The following CCDC63 variants were observed in gnomAD, a reference collection of about 807,000 sequenced individuals.
CCDC63 encodes coiled-coil domain containing 63, also known as coiled-coil domain-containing protein 63.
A neutral mutation model predicts 63.6 loss-of-function variants in CCDC63; 54 were observed. That is an observed-to-expected ratio of 0.85 (90% CI 0.68 to 1.07). CCDC63 has a LOEUF of 1.07. CCDC63 is among the 50% of genes least tolerant of loss of function. The probability of loss-of-function intolerance (pLI) is 0.00; values close to 1 mark genes in which losing one functional copy is unlikely to be tolerated. For synonymous variants in CCDC63, 253 were observed against 266.1 expected (o/e 0.95, Z 0.48); for missense variants, 637 against 689.6 (o/e 0.92, Z 0.86).
At position 110,880,006 on chromosome 12, in the gene CCDC63, A is replaced by G. The variant is rs114129785; in HGVS notation, c.590A>G (p.Gln197Arg). 2.8e-4 allele frequency: 448 copies of G among 1,614,196 alleles called. 4 individuals are homozygous for G. In the East Asian group the frequency reaches 9.7e-3, roughly 35 times the overall value. ...AAGGCTGCTTATGACAATGTCTACC[A>G]GCAGCTCCAGCACTGCCTGTTGATG... is the stretch of plus-strand genomic sequence containing the variant. ...FEKAAYDNVY[Q>R]QLQHCLLMEK... Residue 197 changes from glutamine to arginine, a missense_variant, in exon 6 of 12, where the codon CAG becomes CGG. By Grantham distance (43) the Gln-to-Arg change is conservative (BLOSUM62 1). Transcript: ENST00000308208.
chr12:110,885,432 A>C (rs533771158), intron 8 of CCDC63, among the ~76,000 whole-genome samples: 2 of 152,300 alleles, frequency 1.3e-5, no homozygotes, highest in South Asian at 4.1e-4. Context: ...TACATAAATA[A>C]ACATCCTTTG....
At chr12:110,876,138 C>G (rs1238213872) in intron 5 of CCDC63, among the ~76,000 whole-genome samples, 1 of 150,634 alleles carries the variant, frequency 6.6e-6, no homozygotes, top group Non-Finnish European at 1.5e-5. Flanking sequence ...AGGCAGCCAT[C>G]TCTAAAGGCA....
chr12:110,847,372 C>G (rs1429405606), intron 1 of CCDC63, among the ~76,000 whole-genome samples: 2 of 151,904 alleles, frequency 1.3e-5, no homozygotes, highest in Non-Finnish European at 2.9e-5. Flanking sequence ...GAGACCAGCT[C>G]GGGCAAATTC....
At position 110,899,058 on chromosome 12, in the gene CCDC63, C is replaced by T; in HGVS notation, c.1275C>T (p.Ala425=). 2 of 1,613,896 alleles carry T rather than the reference C, an allele frequency of 1.2e-6. No homozygotes were observed. The highest frequency in any genetic ancestry group is 1.1e-5 in the South Asian group (1 of 90,988). The change falls in exon 10 of 12, where the codon GCC becomes GCT. Residue 425 remains alanine (A), a synonymous_variant. Coordinates refer to ENST00000308208, the MANE Select transcript of CCDC63 (RefSeq NM_152591.3). ...TGTTCAAGAAGATAAACTGTGACGCCACCAAGATCCTGGTGCAGTTAGGGG... is the reference window on the plus strand; with the variant it reads ...TGTTCAAGAAGATAAACTGTGACGCTACCAAGATCCTGGTGCAGTTAGGGG... ...EKLFKKINCD[A]TKILVQLGET...
intron 8 of CCDC63, among the ~76,000 whole-genome samples, chr12:110,887,900 C>T (rs1210710273): frequency 6.6e-6 from 1 of 152,058 alleles, no homozygotes; most frequent in Non-Finnish European, 1.5e-5. Flanking sequence ...CGGCCCCAGC[C>T]TTCTTTTTTA....
At chr12:110,881,000 T>C (rs2071199768) in intron 6 of CCDC63, 115 bp from the exon 7 acceptor site, 1 of 917,056 alleles carries the variant, frequency 1.1e-6, no homozygotes, top group East Asian at 2.9e-5. Context: ...GAAACCTTTA[T>C]GATAAATAAA....
At chr12:110,852,380 C>T (rs1430852662) in intron 1 of CCDC63, among the ~76,000 whole-genome samples, 1 of 152,152 alleles carries the variant, frequency 6.6e-6, no homozygotes, top group East Asian at 1.9e-4. Flanking sequence ...CTGCCTCAGC[C>T]TCCTGAGTAA....
intron 6 of CCDC63, 53 bp downstream of exon 6, chr12:110,880,140 C>G: frequency 2.0e-6 from 3 of 1,512,664 alleles, no homozygotes; most frequent in Non-Finnish European, 2.7e-6. Flanking sequence ...CCTTGCTGAG[C>G]ATCTAGCTTC....
chr12:110,861,407 C>A (rs1350274757), intron 4 of CCDC63, among the ~76,000 whole-genome samples: 1 of 152,230 alleles, frequency 6.6e-6, no homozygotes, highest in East Asian at 1.9e-4. Flanking sequence ...TCCCCTGCCC[C>A]CACCTGCTCT....
chr12:110,852,891 G>T lies in CCDC63; in HGVS notation c.-64G>T. 6.2e-7 allele frequency: 1 copy of T among 1,613,684 alleles called. No individual in the cohort carries two copies. The highest frequency in any genetic ancestry group is 1.7e-4 in the Middle Eastern group (1 of 6,052). ...CAGAGAGACAGAGAGAGAGAGGAAG[G>T]CTCACTGGCTTTGAGCTCTCTGGGT... is the stretch of plus-strand genomic sequence containing the variant. On this transcript the variant is annotated 5_prime_UTR_variant, in exon 2 of 12. Coordinates refer to ENST00000308208, the MANE Select transcript of CCDC63 (RefSeq NM_152591.3).
intron 4 of CCDC63, among the ~76,000 whole-genome samples, chr12:110,862,287 G>A (rs1441087206): frequency 6.6e-6 from 1 of 152,170 alleles, no homozygotes; most frequent in Admixed American, 6.5e-5. Flanking sequence ...TTCATTCCAG[G>A]GTGGCAGTTA....
chr12:110,907,509 C>T lies in CCDC63; in HGVS notation c.*33C>T. On this transcript the variant is annotated 3_prime_UTR_variant, in exon 12 of 12. Coordinates refer to ENST00000308208, the MANE Select transcript of CCDC63 (RefSeq NM_152591.3). This position sits in a 1 kb window ranked among gnomAD's most constrained non-coding sequence, Gnocchi z 4.4. ...GCATGGGGCCACCTTTGCAACATAA[C>T]CGAAAGAATAAATGTTTTGTTCTGT... is the stretch of plus-strand genomic sequence containing the variant. 6.2e-7 allele frequency: 1 copy of T among 1,613,062 alleles called. No homozygotes were observed. The highest frequency in any genetic ancestry group is 8.5e-7 in the Non-Finnish European group (1 of 1,179,304).
At chr12:110,890,371 A>G (rs1592779726) in intron 8 of CCDC63, among the ~76,000 whole-genome samples, 2 of 152,264 alleles carry the variant, frequency 1.3e-5, no homozygotes, top group East Asian at 3.9e-4. Flanking sequence ...AAAAAGCAAG[A>G]TAGAGCTCTT....
intron 1 of CCDC63, among the ~76,000 whole-genome samples, chr12:110,850,550 T>C (rs1361228585): frequency 6.6e-6 from 1 of 152,214 alleles, no homozygotes. Flanking sequence ...GAGACCAGCC[T>C]GACCAAAATG....
intron 7 of CCDC63, 125 bp from the exon 8 acceptor site, chr12:110,883,905 G>A (rs2071242036): frequency 1.3e-6 from 1 of 769,004 alleles, no homozygotes; most frequent in Non-Finnish European, 2.2e-6. Flanking sequence ...TTCCCAAAGT[G>A]TTGGGATTAC....
At chr12:110,891,070 T>C (rs2071350987) in intron 8 of CCDC63, among the ~76,000 whole-genome samples, 1 of 152,092 alleles carries the variant, frequency 6.6e-6, no homozygotes, top group Non-Finnish European at 1.5e-5. Flanking sequence ...TGAGCCACCA[T>C]GCCCAGCCTG....
rs963369480 is a variant in CCDC63, at chr12:110,858,968, C to A, written c.369+193C>A. Among the ~76,000 whole-genome samples, 3 of 152,174 alleles carry A rather than the reference C, an allele frequency of 2.0e-5. No individual in the cohort carries two copies. In the East Asian group the frequency reaches 5.8e-4, roughly 29 times the overall value. ...TCTGGGCTCCAGTATCCAGGCTCAG[C>A]CATACCAATCCATCCCTCCGCCGTG... On this transcript the variant is annotated intron_variant, in intron 4 of 11. Coordinates refer to ENST00000308208, the MANE Select transcript of CCDC63 (RefSeq NM_152591.3).
chr12:110,869,089 A>G (rs1185189729), intron 4 of CCDC63, among the ~76,000 whole-genome samples: 1 of 152,202 alleles, frequency 6.6e-6, no homozygotes, highest in African/African-American at 2.4e-5. Flanking sequence ...ATTAAAACTC[A>G]GGGATGCTAA....
chr12:110,856,272 G>C (rs1340275683), intron 3 of CCDC63, among the ~76,000 whole-genome samples: 2 of 151,764 alleles, frequency 1.3e-5, no homozygotes, highest in Non-Finnish European at 2.9e-5. Flanking sequence ...TTTTAGTAGA[G>C]AAAGGGTTTC....
Sources: gnomAD v4.1 joint callset for allele counts (sites outside exome capture counted in the v4.1 genomes callset) on GRCh38, gnomAD v4.1.1 for gene constraint, Gnocchi (gnomAD v3.1) non-coding constraint, MANE v1.5 for transcripts, NCBI Gene and HGNC (gene_info 2026-07-23, HGNC 2026-07-21) for gene names.